The following RASSF8 variants were observed in gnomAD, a reference collection of about 807,000 sequenced individuals.
RASSF8 encodes ras association domain-containing protein 8.
A neutral mutation model predicts 48.5 loss-of-function variants in RASSF8; 22 were observed. The ratio of observed to expected loss-of-function variants is 0.45; its 90% CI spans 0.32 to 0.65. RASSF8 has a LOEUF of 0.65. Ranked by LOEUF, RASSF8 falls within the 30% of genes least tolerant of loss-of-function variation. The pLI, the probability that RASSF8 is intolerant of heterozygous loss-of-function variation, is 0.03. For synonymous variants in RASSF8, 127 were observed against 171.5 expected, an observed-to-expected ratio of 0.74 and a Z score of 2.03; for missense variants, 418 against 489.2, an observed-to-expected ratio of 0.85 and a Z score of 1.37.
At chr12:26,002,342 A>G (rs2136987060) in intron 2 of RASSF8, among the ~76,000 whole-genome samples, 1 of 152,294 alleles carries the variant, frequency 6.6e-6, no homozygotes, top group South Asian at 2.1e-4. Context: ...CTGAGGCAGG[A>G]GAATCGCTTG....
intron 2 of RASSF8, among the ~76,000 whole-genome samples, chr12:26,041,648 CA>C (rs1943268192): frequency 6.6e-6 from 1 of 151,848 alleles, no homozygotes; most frequent in Non-Finnish European, 1.5e-5. Flanking sequence ...TATACACACA[CA>C]TACACATATA....
chr12:26,075,179 T>G (rs1322031905), downstream of RASSF8, among the ~76,000 whole-genome samples: 1 of 152,094 alleles, frequency 6.6e-6, no homozygotes, highest in Non-Finnish European at 1.5e-5. Context: ...ATATTCTAAG[T>G]AGACAATAAG....
At chr12:26,012,575 A>G (rs1474035274) in intron 2 of RASSF8, among the ~76,000 whole-genome samples, 1 of 152,126 alleles carries the variant, frequency 6.6e-6, no homozygotes, top group African/African-American at 2.4e-5. Context: ...TATTATTTAT[A>G]TCATTGTTAA....
chr12:26,065,327 G>C lies in RASSF8; in HGVS notation c.933G>C (p.Arg311Ser), dbSNP rs767981651. Residue 311 changes from arginine (R) to serine (S), a missense_variant, in exon 4 of 6, where the codon AGG becomes AGC. Coordinates refer to ENST00000689635, the MANE Select transcript of RASSF8 (RefSeq NM_001394098.1). ...EIDIQGQQSLRLENGIKAVER... is the reference protein window; with the variant it reads ...EIDIQGQQSLSLENGIKAVER... The stretch of plus-strand genomic sequence containing the variant: ...ACATTCAAGGCCAGCAGAGTCTGAG[G>C]TTGGAAAATGGCATCAAAGCTGTGG... The C allele has an allele frequency of 1.2e-6, 2 of 1,614,108 alleles. No individual in the cohort carries two copies. Among genetic ancestry groups the C allele is most frequent in the Admixed American group, 3.3e-5 (2 of 60,018 alleles).
chr12:25,959,247 C>G (rs562179230), intron 1 of RASSF8, 99 bp downstream of exon 1: 27 of 152,534 alleles, frequency 1.8e-4, no homozygotes, highest in Non-Finnish European at 2.9e-4. Context: ...CCGGTTGCCC[C>G]TCTCTCCGCA....
chr12:26,050,099 A>G (rs895687678), intron 2 of RASSF8, among the ~76,000 whole-genome samples: 3 of 152,218 alleles, frequency 2.0e-5, no homozygotes, highest in Non-Finnish European at 4.4e-5. Flanking sequence ...ATAATTCTTA[A>G]TAGAAGGATC....
chr12:26,009,456 T>C (rs1274026659), intron 2 of RASSF8, among the ~76,000 whole-genome samples: 1 of 152,144 alleles, frequency 6.6e-6, no homozygotes, highest in Non-Finnish European at 1.5e-5. Context: ...GTGGCGGAGA[T>C]GCTGGGCATC....
chr12:26,040,773 C>T (rs1054119625), intron 2 of RASSF8, among the ~76,000 whole-genome samples: 1 of 152,050 alleles, frequency 6.6e-6, no homozygotes, highest in Non-Finnish European at 1.5e-5. Context: ...GTTTTCTGGG[C>T]ATTGAATATA....
At chr12:25,988,350 C>CT (rs1342606999) in intron 1 of RASSF8, among the ~76,000 whole-genome samples, 1 of 152,052 alleles carries the variant, frequency 6.6e-6, no homozygotes, top group Non-Finnish European at 1.5e-5. Context: ...TGGAACTTTT[C>CT]TTTTTGTCTG....
chr12:26,016,576 G>A (rs964117700), intron 2 of RASSF8, among the ~76,000 whole-genome samples: 6 of 152,074 alleles, frequency 3.9e-5, no homozygotes, highest in Non-Finnish European at 2.9e-5. Context: ...TTTATAAATT[G>A]CAGATTTTAT....
chr12:25,977,754 A>G (rs1191584681), intron 1 of RASSF8, among the ~76,000 whole-genome samples: 1 of 152,142 alleles, frequency 6.6e-6, no homozygotes. Context: ...AAAAATTACC[A>G]TTGAGAACAA....
At chr12:26,059,210 A>G (rs1271051952) in intron 3 of RASSF8, among the ~76,000 whole-genome samples, 1 of 152,222 alleles carries the variant, frequency 6.6e-6, no homozygotes, top group African/African-American at 2.4e-5. Context: ...TTAACACAGA[A>G]ATAAAAGTCC....
intron 2 of RASSF8, among the ~76,000 whole-genome samples, chr12:25,996,790 G>A (rs866934141): frequency 6.6e-6 from 1 of 152,144 alleles, no homozygotes; most frequent in South Asian, 2.1e-4. Flanking sequence ...ATTTGTACCT[G>A]AAACTTAGAA....
intron 1 of RASSF8, among the ~76,000 whole-genome samples, chr12:25,984,344 G>C (rs891374822): frequency 6.6e-6 from 1 of 150,650 alleles, no homozygotes; most frequent in Non-Finnish European, 1.5e-5. Context: ...CTTCCAAAGT[G>C]GTGGGATTAC....
At chr12:25,961,999 G>T (rs1416669352) in intron 1 of RASSF8, among the ~76,000 whole-genome samples, 1 of 151,894 alleles carries the variant, frequency 6.6e-6, no homozygotes, top group Non-Finnish European at 1.5e-5. Flanking sequence ...CCTTGGTGCG[G>T]TGCCTCCTGC....
chr12:26,049,877 A>G (rs1943453398), intron 2 of RASSF8, among the ~76,000 whole-genome samples: 12 of 152,186 alleles, frequency 7.9e-5, no homozygotes, highest in Admixed American at 7.9e-4. Context: ...TCCGCCTCCC[A>G]GGTTCACACC....
In RASSF8 at chr12:26,065,177, T is replaced by C. The variant is rs1370409676; in HGVS notation, c.783T>C (p.Tyr261=). ...ITECENKLKD[Y]LAQIRTMESG... ...AATGTGAAAACAAATTAAAGGACTA[T>C]TTGGCACAGATCCGGACTATGGAAA... The change falls in exon 4 of 6, where the codon TAT becomes TAC. Residue 261 remains tyrosine, a synonymous_variant. Transcript: ENST00000689635. The C allele has an allele frequency of 1.2e-6, 2 of 1,614,050 alleles. No homozygotes were observed. Among genetic ancestry groups the C allele is most frequent in the East Asian group, 2.2e-5 (1 of 44,882 alleles).
At chr12:26,050,087 A>G (rs567480097) in intron 2 of RASSF8, among the ~76,000 whole-genome samples, 3 of 152,318 alleles carry the variant, frequency 2.0e-5, no homozygotes, top group East Asian at 1.9e-4. Context: ...CCAGCCAAAG[A>G]CATAATTCTT....
At chr12:26,008,634 G>C (rs1247195484) in intron 2 of RASSF8, among the ~76,000 whole-genome samples, 1 of 152,102 alleles carries the variant, frequency 6.6e-6, no homozygotes, top group Non-Finnish European at 1.5e-5. Context: ...ATTAATAACA[G>C]AGTAATTTCT....
Sources: gnomAD v4.1 joint callset for allele counts (sites outside exome capture counted in the v4.1 genomes callset) on GRCh38, gnomAD v4.1.1 for gene constraint, MANE v1.5 for transcripts, NCBI Gene and HGNC (gene_info 2026-07-23, HGNC 2026-07-21) for gene names.